The following RBFOX1 variants were observed in gnomAD, a reference collection of about 807,000 sequenced individuals.
RBFOX1 encodes RNA binding fox-1 homolog 1.
In RBFOX1, 8 loss-of-function variants were observed where a neutral mutation model predicts 57.7. That is an observed-to-expected ratio of 0.14 (90% confidence interval 0.08 to 0.25). The LOEUF (loss-of-function observed/expected upper bound fraction) is 0.25, where lower values mean the gene tolerates loss of function less well. Ranked by LOEUF, RBFOX1 falls within the 10% of genes least tolerant of loss-of-function variation. The pLI is 1.00. For synonymous variants in RBFOX1, 326 were observed against 222.4 expected (o/e 1.47, Z -4.15); for missense variants, 611 against 548.5 (o/e 1.11, Z -1.14).
At chr16:6,961,165 A>ACACACACACACACACACACACACACACAC (rs1461621694) in intron 3 of RBFOX1, among the ~76,000 whole-genome samples, 48 of 150,602 alleles carry the variant, frequency 3.2e-4, no homozygotes, top group Non-Finnish European at 4.1e-4. Flanking sequence ...ACACACACGC[A>ACACACACACACACACACACACACACACAC]AAAGAAAGAA....
intron 2 of RBFOX1, among the ~76,000 whole-genome samples, chr16:6,566,431 T>A (rs1600080511): frequency 6.6e-6 from 1 of 152,190 alleles, no homozygotes; most frequent in East Asian, 1.9e-4. Context: ...CCATTTGATT[T>A]TTTTTTTCTT....
intron 4 of RBFOX1, among the ~76,000 whole-genome samples, chr16:7,327,167 T>C (rs1440749417): frequency 6.6e-6 from 1 of 152,104 alleles, no homozygotes; most frequent in African/African-American, 2.4e-5. Flanking sequence ...TCATGGAACA[T>C]TTGACTTAGG....
At chr16:7,054,675 A>G (rs910848783) in intron 4 of RBFOX1, among the ~76,000 whole-genome samples, 1 of 152,116 alleles carries the variant, frequency 6.6e-6, no homozygotes, top group Non-Finnish European at 1.5e-5. Flanking sequence ...GAAAATTAGA[A>G]ATCTGTTTAG....
At chr16:7,528,217 A>G (rs1176176452) in intron 5 of RBFOX1, among the ~76,000 whole-genome samples, 1 of 152,218 alleles carries the variant, frequency 6.6e-6, no homozygotes, top group African/African-American at 2.4e-5. Context: ...CATTGCAAAT[A>G]TTAGAGCCAT....
At chr16:5,420,706 G>A (rs2067292251) in intron 1 of RBFOX1, among the ~76,000 whole-genome samples, 1 of 151,960 alleles carries the variant, frequency 6.6e-6, no homozygotes, top group Non-Finnish European at 1.5e-5. Flanking sequence ...GCTAATTTTT[G>A]TATACTTTTG....
intron 4 of RBFOX1, among the ~76,000 whole-genome samples, chr16:7,220,602 C>T (rs531118172): frequency 9.2e-5 from 14 of 152,164 alleles, no homozygotes; most frequent in Non-Finnish European, 1.8e-4. Context: ...GTGCAGGTAT[C>T]ATTGCTGCAT....
intron 2 of RBFOX1, among the ~76,000 whole-genome samples, chr16:5,476,145 AG>A (rs778500409): frequency 1.3e-5 from 2 of 152,208 alleles, no homozygotes; most frequent in Non-Finnish European, 2.9e-5. Flanking sequence ...TAATGCATAA[AG>A]GGAGACCCTG....
intron 3 of RBFOX1, among the ~76,000 whole-genome samples, chr16:5,830,128 G>T (rs2056212647): frequency 6.6e-6 from 1 of 152,178 alleles, no homozygotes; most frequent in Non-Finnish European, 1.5e-5. Flanking sequence ...ATGCTCATTT[G>T]CAAATCGTCC....
intron 3 of RBFOX1, among the ~76,000 whole-genome samples, chr16:7,034,351 C>G (rs576100754): frequency 1.3e-5 from 2 of 152,170 alleles, no homozygotes; most frequent in South Asian, 2.1e-4. Context: ...CTGGTAATGA[C>G]CAGGTTGGTG....
chr16:5,273,993 C>T (rs561089460), intron 1 of RBFOX1, among the ~76,000 whole-genome samples: 7 of 152,228 alleles, frequency 4.6e-5, no homozygotes, highest in South Asian at 2.1e-4. Flanking sequence ...TTCCTACATC[C>T]GGGTGTGCTG....
intron 4 of RBFOX1, among the ~76,000 whole-genome samples, chr16:5,994,555 A>G (rs1370819532): frequency 6.6e-6 from 1 of 152,172 alleles, no homozygotes; most frequent in East Asian, 1.9e-4. Flanking sequence ...GTATATTTCT[A>G]CACGAGCTTG....
chr16:7,310,124 C>G (rs2096275337), intron 4 of RBFOX1, among the ~76,000 whole-genome samples: 1 of 152,198 alleles, frequency 6.6e-6, no homozygotes, highest in Non-Finnish European at 1.5e-5. Flanking sequence ...CAGAAGAGCC[C>G]TGGCCCTGGC....
chr16:7,568,763 T>G (rs1460365340), intron 5 of RBFOX1, among the ~76,000 whole-genome samples: 2 of 151,662 alleles, frequency 1.3e-5, no homozygotes, highest in Non-Finnish European at 2.9e-5. Context: ...GGCGGGCACT[T>G]GTAGTGCCAG....
intron 1 of RBFOX1, among the ~76,000 whole-genome samples, chr16:6,078,399 G>C (rs4124065): frequency 2.0e-5 from 3 of 151,666 alleles, no homozygotes; most frequent in Non-Finnish European, 3.0e-5. Flanking sequence ...CTTATGAGAC[G>C]TTTTTGGGGG....
intron 1 of RBFOX1, among the ~76,000 whole-genome samples, chr16:5,294,702 G>A (rs1246986911): frequency 6.6e-6 from 1 of 152,030 alleles, no homozygotes; most frequent in Admixed American, 6.5e-5. Flanking sequence ...ACCCCTTTGT[G>A]TGCTGACCAC....
At chr16:5,368,953 C>T (rs556181206) in intron 1 of RBFOX1, among the ~76,000 whole-genome samples, 12 of 152,282 alleles carry the variant, frequency 7.9e-5, no homozygotes, top group East Asian at 5.8e-4. Flanking sequence ...CTTTAGCTCA[C>T]GTTCTTGGTA....
intron 1 of RBFOX1, among the ~76,000 whole-genome samples, chr16:5,287,899 A>C (rs187997953): frequency 6.6e-6 from 1 of 152,256 alleles, no homozygotes; most frequent in African/African-American, 2.4e-5. Context: ...ACTTGGATCC[A>C]TTAATGTACC....
chr16:6,925,188 C>T (rs1193404497), intron 3 of RBFOX1, among the ~76,000 whole-genome samples: 2 of 112,640 alleles, frequency 1.8e-5, no homozygotes, highest in Admixed American at 1.3e-4. Context: ...GACTGGAGTG[C>T]AGTGGTATGA....
intron 1 of RBFOX1, among the ~76,000 whole-genome samples, chr16:5,444,784 A>G (rs377722483): frequency 7.2e-5 from 11 of 152,298 alleles, no homozygotes; most frequent in Admixed American, 2.6e-4. Flanking sequence ...TCATCTAACA[A>G]TGGCCCTGTG....
Sources: allele counts gnomAD v4.1 joint callset (sites outside exome capture counted in the v4.1 genomes callset), GRCh38; gene constraint gnomAD v4.1.1; transcripts MANE v1.5; gene names NCBI Gene and HGNC (gene_info 2026-07-23, HGNC 2026-07-21).